Variants in AMPD3 observed in about 807,000 individuals in gnomAD.
AMPD3 encodes AMP deaminase 3.
In AMPD3, 57 loss-of-function variants were observed where a neutral mutation model predicts 82.3. That is an observed-to-expected ratio of 0.69 (90% CI 0.56 to 0.86). The LOEUF (loss-of-function observed/expected upper bound fraction) is 0.86. AMPD3 is among the 40% of genes least tolerant of loss of function. AMPD3 has a pLI of 0.00. For synonymous variants in AMPD3, 381 were observed against 394.7 expected (o/e 0.97, Z 0.41); for missense variants, 870 against 1,003.8 (o/e 0.87, Z 1.80).
chr11:10,462,777 C>A lies in AMPD3; in HGVS notation c.221+1037C>A, dbSNP rs191624957. 3.3e-5 allele frequency among the ~76,000 whole-genome samples: 5 copies of A among 152,274 alleles called. No individual in the cohort carries two copies. The East Asian group carries it at 9.7e-4, about 29-fold the overall frequency. ...AAAATCCTTTTTTAGACTGGGAAGT[C>A]AGGGAAGGCCTCTCCAAGGAGATGA... On this transcript the variant is annotated intron_variant, in intron 2 of 14. Transcript: ENST00000396553.
In AMPD3 at chr11:10,478,203, G is replaced by A. The variant is rs959587404; in HGVS notation, c.222-323G>A. ...TTGTCCTCCCCTCTAGTGCCCTGTG[G>A]TTTTAGAGCCCCTGCCATGTGGTCT... On this transcript the variant is annotated intron_variant, in intron 2 of 14. Coordinates refer to ENST00000396553, the MANE Select transcript of AMPD3 (RefSeq NM_001025389.2). The A allele has an allele frequency of 3.0e-6, 3 of 985,268 alleles. No individual in the cohort carries two copies. In the African/African-American group the frequency reaches 5.2e-5, roughly 17 times the overall value. The allele number at this position is 985,268 out of a possible 1,614,324, so 61.0% of individuals were successfully genotyped here.
upstream of AMPD3, among the ~76,000 whole-genome samples, chr11:10,451,520 T>G (rs754874129): frequency 1.3e-5 from 2 of 152,246 alleles, no homozygotes; most frequent in African/African-American, 4.8e-5. Flanking sequence ...CCTTGGGCTC[T>G]GGCAGTCTGC....
rs1419033264 is a variant in AMPD3, at chr11:10,493,377, G to T, written c.968G>T (p.Cys323Phe). Residue 323 changes from cysteine to phenylalanine, a missense_variant, in exon 7 of 15, where the codon TGC becomes TTC. Transcript: ENST00000396553. Reference sequence around the variant, plus strand: ...GACACACACATCCATGCGGCCGCCTGCATGAACCAAAAGCATCTGCTGCGC... The same window carrying T: ...GACACACACATCCATGCGGCCGCCTTCATGAACCAAAAGCATCTGCTGCGC... ...KVDTHIHAAA[C>F]MNQKHLLRFI... 1 of 1,614,206 alleles carries T rather than the reference G, an allele frequency of 6.2e-7. No homozygotes were observed. The highest frequency in any genetic ancestry group is 1.1e-5 in the South Asian group (1 of 91,086).
chr11:10,489,112 G>A (rs901211939), intron 6 of AMPD3, among the ~76,000 whole-genome samples: 12 of 152,316 alleles, frequency 7.9e-5, no homozygotes, highest in East Asian at 3.9e-4. Flanking sequence ...CACCACTTAC[G>A]TGGGCACCCT....
At chr11:10,503,043 G>A (rs1849622929) in intron 13 of AMPD3, 149 bp downstream of exon 13, 1 of 919,216 alleles carries the variant, frequency 1.1e-6, no homozygotes, top group African/African-American at 1.6e-5. Flanking sequence ...CCACTGTTGG[G>A]GGAAAATTGT....
intron 2 of AMPD3, among the ~76,000 whole-genome samples, chr11:10,468,245 C>T (rs1564841497): frequency 6.6e-6 from 1 of 151,876 alleles, no homozygotes. Context: ...GAGTCAAGAC[C>T]CAACAGTGTG....
chr11:10,500,768 C>A, intron 11 of AMPD3: 1 of 985,454 alleles, frequency 1.0e-6, no homozygotes, highest in South Asian at 4.7e-5. Flanking sequence ...CCATGCATGC[C>A]CTTACAGGCA....
In AMPD3 at chr11:10,487,334, C is replaced by T. The variant is rs780124673; in HGVS notation, c.909C>T (p.Asn303=). ...EMSEFKELKS[N]PHRDFYNVRK... is the part of the protein sequence containing the mutation. ...CCGAGTTCAAAGAGTTGAAGAGTAA[C>T]CCCCACCGGGACTTCTATAACGTGA... Residue 303 remains asparagine (N), a synonymous_variant, in exon 6 of 15, where the codon AAC becomes AAT. Coordinates refer to ENST00000396553, the MANE Select transcript of AMPD3 (RefSeq NM_001025389.2). 1 of 1,614,118 alleles carries T rather than the reference C, an allele frequency of 6.2e-7. No homozygotes were observed. The highest frequency in any genetic ancestry group is 8.5e-7 in the Non-Finnish European group (1 of 1,180,018).
chr11:10,495,698 C>A lies in AMPD3; in HGVS notation c.1395C>A (p.Pro465=). 6.2e-7 allele frequency: 1 copy of A among 1,614,136 alleles called. No homozygotes were observed. Among genetic ancestry groups the A allele is most frequent in the Non-Finnish European group, 8.5e-7 (1 of 1,180,026 alleles). ...YWFIQHKVYS[P]NMRWIIQVPR... ...TCATCCAGCACAAGGTCTACTCTCC[C>A]AACATGCGCTGGATCATCCAGGTGC... is the stretch of plus-strand genomic sequence containing the variant. Residue 465 remains proline (P), a synonymous_variant, in exon 9 of 15, where the codon CCC becomes CCA. Coordinates refer to ENST00000396553, the MANE Select transcript of AMPD3 (RefSeq NM_001025389.2).
intron 10 of AMPD3, among the ~76,000 whole-genome samples, 171 bp downstream of exon 10, chr11:10,497,109 C>T (rs1849428415): frequency 6.6e-6 from 1 of 152,058 alleles, no homozygotes; most frequent in African/African-American, 2.4e-5. Context: ...CTAAAAAGTC[C>T]CCTTCTCCTC....
At chr11:10,483,415 T>A (rs1489295205) in intron 4 of AMPD3, among the ~76,000 whole-genome samples, 3 of 152,232 alleles carry the variant, frequency 2.0e-5, no homozygotes, top group African/African-American at 7.2e-5. Flanking sequence ...TTTCAAGTCC[T>A]GTACTTTGAG....
upstream of AMPD3, among the ~76,000 whole-genome samples, chr11:10,454,511 A>G (rs1848039236): frequency 6.6e-6 from 1 of 152,228 alleles, no homozygotes; most frequent in Admixed American, 6.5e-5. Context: ...TCTTTACTGC[A>G]GGACTTCTCA....
At chr11:10,470,141 G>A (rs577136994) in intron 2 of AMPD3, among the ~76,000 whole-genome samples, 2 of 152,166 alleles carry the variant, frequency 1.3e-5, no homozygotes, top group African/African-American at 4.8e-5. Context: ...TCATACCTGG[G>A]ATGCAAGGCT....
chr11:10,493,578 C>T (rs367964728), intron 7 of AMPD3, 35 bp downstream of exon 7: 2 of 1,608,418 alleles, frequency 1.2e-6, no homozygotes, highest in Non-Finnish European at 1.7e-6. Context: ...CGCCAGCAGA[C>T]AGCAGCCCTG....
upstream of AMPD3, among the ~76,000 whole-genome samples, chr11:10,452,135 C>G (rs1181384269): frequency 6.6e-6 from 1 of 152,118 alleles, no homozygotes; most frequent in African/African-American, 2.4e-5. Flanking sequence ...GTTCTCCTAG[C>G]TCTCAGCTAG....
At chr11:10,460,879 G>A (rs1478565418) in intron 1 of AMPD3, 3 of 985,306 alleles carry the variant, frequency 3.0e-6, no homozygotes, top group African/African-American at 1.7e-5. Context: ...AAGCTTCTTT[G>A]AGGGAGTGAG....
At chr11:10,476,600 G>C (rs974579834) in intron 2 of AMPD3, among the ~76,000 whole-genome samples, 3 of 152,156 alleles carry the variant, frequency 2.0e-5, no homozygotes, top group African/African-American at 7.2e-5. Flanking sequence ...TGGAGGTGAG[G>C]TTGCATGGAA....
Position 10,504,655 on chromosome 11 carries a change from A to G in AMPD3, c.2123A>G (p.His708Arg). 6.2e-7 allele frequency: 1 copy of G among 1,614,036 alleles called. No homozygotes were observed. Among genetic ancestry groups the G allele is most frequent in the Non-Finnish European group, 8.5e-7 (1 of 1,179,904 alleles). ...AGCGTGCTGCAGAGCGGCCTCTCGCATCAGGTATGGAGTGTGACGGTGCTG... is the reference window on the plus strand; with the variant it reads ...AGCGTGCTGCAGAGCGGCCTCTCGCGTCAGGTATGGAGTGTGACGGTGCTG... Reference protein sequence around the residue: ...RNSVLQSGLSHQEKQKFLGQN... With the variant: ...RNSVLQSGLSRQEKQKFLGQN... Residue 708 changes from histidine to arginine, a missense_variant, in exon 14 of 15, where the codon CAT becomes CGT. Physicochemically the swap from His to Arg is conservative, Grantham distance 29. Transcript: ENST00000396553.
At chr11:10,492,412 G>C (rs1045305533) in intron 6 of AMPD3, among the ~76,000 whole-genome samples, 1 of 152,144 alleles carries the variant, frequency 6.6e-6, no homozygotes, top group Non-Finnish European at 1.5e-5. Flanking sequence ...GTCAAGGAAG[G>C]GTGTGTTTGG....
Sources: gnomAD v4.1 joint callset for allele counts (sites outside exome capture counted in the v4.1 genomes callset) on GRCh38, gnomAD v4.1.1 for gene constraint, MANE v1.5 for transcripts, NCBI Gene and HGNC (gene_info 2026-07-23, HGNC 2026-07-21) for gene names.